The following PTPRD variants were observed in gnomAD, a reference collection of about 807,000 sequenced individuals.
PTPRD encodes protein tyrosine phosphatase receptor type D.
In PTPRD, 34 loss-of-function variants were observed where a neutral mutation model predicts 214.5. The ratio of observed to expected loss-of-function variants is 0.16; its 90% CI spans 0.12 to 0.21. The LOEUF (loss-of-function observed/expected upper bound fraction) is 0.21, where lower values mean the gene tolerates loss of function less well. PTPRD is among the 10% of genes least tolerant of loss of function. The pLI, the probability that PTPRD is intolerant of heterozygous loss-of-function variation, is 1.00. For synonymous variants in PTPRD, 1,128 were observed against 845.7 expected (o/e 1.33, Z -5.79); for missense variants, 2,545 against 2,398.7 (o/e 1.06, Z -1.27).
intron 3 of PTPRD, among the ~76,000 whole-genome samples, chr9:10,090,970 T>C (rs572373924): frequency 7.3e-6 from 1 of 137,458 alleles, no homozygotes; most frequent in East Asian, 2.1e-4. Flanking sequence ...ATGCATGTGG[T>C]AGAGTAACTG....
chr9:9,507,103 G>A (rs575758457), intron 8 of PTPRD, among the ~76,000 whole-genome samples: 1 of 151,090 alleles, frequency 6.6e-6, no homozygotes, highest in Non-Finnish European at 1.5e-5. Flanking sequence ...TTGAATTCTA[G>A]GAAATAATAA....
intron 9 of PTPRD, among the ~76,000 whole-genome samples, chr9:9,259,792 C>T (rs1361209352): frequency 1.3e-5 from 2 of 151,844 alleles, no homozygotes; most frequent in East Asian, 2.0e-4. Flanking sequence ...TATACCAACT[C>T]GCACACATGG....
intron 2 of PTPRD, among the ~76,000 whole-genome samples, chr9:10,552,579 T>C (rs1426108759): frequency 6.6e-6 from 1 of 152,184 alleles, no homozygotes; most frequent in Non-Finnish European, 1.5e-5. Context: ...GCATCACATT[T>C]ATATCCCTAC....
At chr9:9,613,449 T>A (rs892491285) in intron 7 of PTPRD, among the ~76,000 whole-genome samples, 7 of 152,078 alleles carry the variant, frequency 4.6e-5, no homozygotes, top group Admixed American at 4.6e-4. Context: ...TCTGTTCTTT[T>A]TGCCATCTAC....
chr9:9,496,821 T>G (rs1257819504), intron 8 of PTPRD, among the ~76,000 whole-genome samples: 1 of 152,200 alleles, frequency 6.6e-6, no homozygotes, highest in African/African-American at 2.4e-5. Context: ...GTGGCATTAT[T>G]CACAGTAGCT....
At chr9:9,454,342 T>C (rs921419523) in intron 8 of PTPRD, among the ~76,000 whole-genome samples, 3 of 151,740 alleles carry the variant, frequency 2.0e-5, no homozygotes, top group Non-Finnish European at 4.4e-5. Flanking sequence ...TGGGAAGACA[T>C]ACCAGCCACC....
chr9:9,490,891 TAAATG>T (rs972949435), intron 8 of PTPRD, among the ~76,000 whole-genome samples: 15 of 110,384 alleles, frequency 1.4e-4, no homozygotes, highest in African/African-American at 6.1e-4. Flanking sequence ...AATATAAATA[TAAATG>T]AACGAATTGT....
At chr9:8,604,404 T>A (rs1397162258) in intron 14 of PTPRD, among the ~76,000 whole-genome samples, 2 of 152,160 alleles carry the variant, frequency 1.3e-5, no homozygotes, top group East Asian at 3.9e-4. Context: ...GAAGACTTAC[T>A]AAGGCAGAGA....
At chr9:8,501,886 C>A (rs902662187) in intron 23 of PTPRD, among the ~76,000 whole-genome samples, 2 of 152,124 alleles carry the variant, frequency 1.3e-5, no homozygotes, top group African/African-American at 4.8e-5. Context: ...TTAGACCCCA[C>A]CAGCAAAATT....
chr9:9,744,617 T>G (rs2098439742), intron 6 of PTPRD, among the ~76,000 whole-genome samples: 1 of 151,926 alleles, frequency 6.6e-6, no homozygotes, highest in African/African-American at 2.4e-5. Context: ...GGAAGAAAAA[T>G]GCTACTGTCA....
intron 2 of PTPRD, among the ~76,000 whole-genome samples, chr9:10,597,949 G>T (rs2076993774): frequency 6.6e-6 from 1 of 151,706 alleles, no homozygotes; most frequent in Non-Finnish European, 1.5e-5. Flanking sequence ...AAAACTCTTT[G>T]CTGGGAAAGC....
intron 2 of PTPRD, among the ~76,000 whole-genome samples, chr9:10,393,643 A>G (rs2154492307): frequency 1.3e-5 from 2 of 148,614 alleles, no homozygotes; most frequent in South Asian, 4.2e-4. Context: ...AAGTATATAT[A>G]TATATTAGAG....
intron 10 of PTPRD, among the ~76,000 whole-genome samples, chr9:9,154,036 G>A (rs1307859940): frequency 2.0e-5 from 3 of 152,230 alleles, no homozygotes; most frequent in African/African-American, 2.4e-5. Context: ...GTGAGTAGAC[G>A]TGATCTAGTA....
intron 27 of PTPRD, among the ~76,000 whole-genome samples, chr9:8,486,660 G>C (rs1023618496): frequency 7.2e-5 from 11 of 152,136 alleles, no homozygotes; most frequent in Non-Finnish European, 7.4e-5. Flanking sequence ...TCATATCAAA[G>C]ATAAATTAAT....
chr9:9,980,384 G>A (rs1588055056), intron 4 of PTPRD, among the ~76,000 whole-genome samples: 1 of 151,834 alleles, frequency 6.6e-6, no homozygotes, highest in South Asian at 2.1e-4. Context: ...GAGGTGGGCG[G>A]ATCACCTGAG....
chr9:9,585,855 A>G (rs527660877), intron 7 of PTPRD, among the ~76,000 whole-genome samples: 197 of 152,164 alleles, frequency 1.3e-3, no homozygotes, highest in African/African-American at 4.4e-3. Context: ...ACAATGAATA[A>G]AAAGGGAAGG....
At chr9:9,965,753 C>T (rs1227167419) in intron 4 of PTPRD, among the ~76,000 whole-genome samples, 2 of 152,100 alleles carry the variant, frequency 1.3e-5, no homozygotes, top group African/African-American at 4.8e-5. Context: ...TCAGATATCA[C>T]AATTGTTAAA....
chr9:10,356,199 T>C (rs963046197), intron 2 of PTPRD, among the ~76,000 whole-genome samples: 1 of 152,024 alleles, frequency 6.6e-6, no homozygotes, highest in African/African-American at 2.4e-5. Context: ...CCTAAAAGCC[T>C]ATTCATACAC....
intron 35 of PTPRD, among the ~76,000 whole-genome samples, chr9:8,409,323 G>A (rs1239246433): frequency 6.6e-6 from 1 of 152,116 alleles, no homozygotes. Flanking sequence ...ACATATTCTG[G>A]CCCTGGAGGC....
Sources: allele counts gnomAD v4.1 joint callset (sites outside exome capture counted in the v4.1 genomes callset), GRCh38; gene constraint gnomAD v4.1.1; transcripts MANE v1.5; gene names NCBI Gene and HGNC (gene_info 2026-07-23, HGNC 2026-07-21).